The following TDRD3 variants were observed in gnomAD, a reference collection of about 807,000 sequenced individuals.
The protein encoded by TDRD3 is tudor domain containing 3.
Under a neutral mutation model 86.7 loss-of-function variants are expected in TDRD3, and 45 were observed. The ratio of observed to expected loss-of-function variants is 0.52; its 90% CI spans 0.41 to 0.67. The LOEUF is 0.67. TDRD3 is among the 30% of genes least tolerant of loss of function. The pLI, the probability that TDRD3 is intolerant of heterozygous loss-of-function variation, is 0.00. For synonymous variants in TDRD3, 298 were observed against 301.7 expected, an observed-to-expected ratio of 0.99 and a Z score of 0.13; for missense variants, 814 against 889.0, an observed-to-expected ratio of 0.92 and a Z score of 1.07.
chr13:60,534,652 G>A (rs1288632009), intron 11 of TDRD3, among the ~76,000 whole-genome samples: 5 of 151,802 alleles, frequency 3.3e-5, no homozygotes, highest in Admixed American at 1.3e-4. Flanking sequence ...TTGGCTGGGC[G>A]CAGTGGCTCA....
chr13:60,435,859 T>C (rs867821690), intron 1 of TDRD3, among the ~76,000 whole-genome samples: 1 of 151,952 alleles, frequency 6.6e-6, no homozygotes, highest in South Asian at 2.1e-4. Context: ...TTTTCCGTAG[T>C]GGTTGTAGCA....
At chr13:60,509,622 A>G in intron 8 of TDRD3, 141 bp from the exon 9 acceptor site, 1 of 1,055,182 alleles carries the variant, frequency 9.5e-7, no homozygotes, top group Non-Finnish European at 1.4e-6. Context: ...GTAAAAAATC[A>G]GCAAGAGAAT....
At chr13:60,475,885 A>C (rs1594985144) in intron 5 of TDRD3, among the ~76,000 whole-genome samples, 1 of 151,824 alleles carries the variant, frequency 6.6e-6, no homozygotes, top group Admixed American at 6.6e-5. Flanking sequence ...TTCTTTAATG[A>C]GGTTGTTTTT....
chr13:60,488,464 A>G (rs998512039), intron 7 of TDRD3, among the ~76,000 whole-genome samples: 14 of 152,200 alleles, frequency 9.2e-5, no homozygotes, highest in African/African-American at 2.9e-4. Flanking sequence ...GCTGATTTCA[A>G]TGGTAAATGA....
chr13:60,509,657 A>G (rs559410453), intron 8 of TDRD3, 106 bp from the exon 9 acceptor site: 5 of 1,342,986 alleles, frequency 3.7e-6, no homozygotes, highest in Non-Finnish European at 3.1e-6. Flanking sequence ...ACATTTTTAC[A>G]TAAGTATGGG....
At position 60,509,775 on chromosome 13, in the gene TDRD3, G is replaced by C. The variant is rs1412226889; in HGVS notation, c.871G>C (p.Ala291Pro). The change falls in exon 9 of 14, where the codon GCT (alanine) becomes CCT (proline). Residue 291 changes from alanine (A) to proline (P), a missense_variant. Coordinates refer to ENST00000377881, the MANE Select transcript of TDRD3 (RefSeq NM_001146070.2). ...GVYRELVDEK[A>P]LKHITEMGFS... ...TTATTCCTTCCAGGTTGATGAGAAA[G>C]CTCTGAAGCACATAACGGAAATGGG... 6.2e-7 allele frequency: 1 copy of C among 1,613,736 alleles called. No individual in the cohort carries two copies.
intron 1 of TDRD3, among the ~76,000 whole-genome samples, chr13:60,430,829 T>TA (rs1667302159): frequency 6.6e-6 from 1 of 152,116 alleles, no homozygotes; most frequent in African/African-American, 2.4e-5. Flanking sequence ...ATATGAGTCA[T>TA]AAAATAGAAG....
chr13:60,402,811 C>T (rs1326999851), intron 1 of TDRD3, among the ~76,000 whole-genome samples: 2 of 151,696 alleles, frequency 1.3e-5, no homozygotes, highest in Non-Finnish European at 2.9e-5. Context: ...GCCTCAGCCT[C>T]CCAAGTAGGT....
At chr13:60,481,349 G>GTTTTTTTTTTTTTTTTTTTTTTT (rs796837758) in intron 5 of TDRD3, among the ~76,000 whole-genome samples, 1 of 137,378 alleles carries the variant, frequency 7.3e-6, no homozygotes, top group Non-Finnish European at 1.6e-5. Flanking sequence ...CCCTCTTTGT[G>GTTTTTTTTTTTTTTTTTTTTTTT]TTTTTTTTTT....
intron 5 of TDRD3, among the ~76,000 whole-genome samples, chr13:60,479,048 C>G (rs1177278397): frequency 6.6e-6 from 1 of 152,004 alleles, no homozygotes; most frequent in African/African-American, 2.4e-5. Flanking sequence ...CTCAAGTGAT[C>G]TGACTGCCTT....
intron 8 of TDRD3, among the ~76,000 whole-genome samples, chr13:60,496,775 A>G (rs1308648965): frequency 6.6e-6 from 1 of 152,120 alleles, no homozygotes; most frequent in South Asian, 2.1e-4. Context: ...CTGAGCCTCA[A>G]ATCTGCTAAG....
intron 1 of TDRD3, among the ~76,000 whole-genome samples, chr13:60,413,218 A>C (rs1954407349): frequency 6.6e-6 from 1 of 152,188 alleles, no homozygotes; most frequent in Non-Finnish European, 1.5e-5. Context: ...GAATTAGTTA[A>C]TTATAATTAA....
At chr13:60,426,194 A>G (rs1348400220) in intron 1 of TDRD3, among the ~76,000 whole-genome samples, 2 of 152,190 alleles carry the variant, frequency 1.3e-5, no homozygotes, top group Admixed American at 6.5e-5. Flanking sequence ...GTATTATGTG[A>G]TCTTACTTAT....
At chr13:60,573,423 A>T (rs895837588) in intron 13 of TDRD3, among the ~76,000 whole-genome samples, 193 bp from the exon 14 acceptor site, 3 of 152,322 alleles carry the variant, frequency 2.0e-5, no homozygotes, top group Middle Eastern at 3.4e-3. Context: ...TTTCAAAAAA[A>T]TTTTGCTTTT....
chr13:60,563,260 C>A (rs1958378691), intron 12 of TDRD3, among the ~76,000 whole-genome samples: 1 of 149,618 alleles, frequency 6.7e-6, no homozygotes, highest in Non-Finnish European at 1.5e-5. Flanking sequence ...CAAGGCGATT[C>A]ATTAAGTAAA....
At chr13:60,424,319 A>G (rs911101164) in intron 1 of TDRD3, among the ~76,000 whole-genome samples, 2 of 148,290 alleles carry the variant, frequency 1.3e-5, no homozygotes, top group African/African-American at 5.1e-5. Context: ...CCGCCCCCAG[A>G]CAGTGGTTTT....
At chr13:60,462,083 T>C (rs961192766) in intron 4 of TDRD3, among the ~76,000 whole-genome samples, 1 of 152,250 alleles carries the variant, frequency 6.6e-6, no homozygotes, top group African/African-American at 2.4e-5. Flanking sequence ...AATGTTGATT[T>C]CTATATACAA....
chr13:60,494,481 A>G lies in TDRD3; in HGVS notation c.764A>G (p.Asn255Ser), dbSNP rs1277860318. 6 of 1,613,856 alleles carry G rather than the reference A, an allele frequency of 3.7e-6. No homozygotes were observed. The highest frequency in any genetic ancestry group is 2.2e-5 in the East Asian group (1 of 44,796). Residue 255 changes from asparagine to serine, a missense_variant, in exon 8 of 14, where the codon AAT becomes AGT. Coordinates refer to ENST00000377881, the MANE Select transcript of TDRD3 (RefSeq NM_001146070.2). ...GGGGGARSNL[N>S]MNAAGNRNRE... ...GGTGGTGGTGCTAGAAGTAATCTCA[A>G]TATGAATGCTGCTGGTAACCGAAAT...
At chr13:60,513,468 T>C (rs1957102321) in intron 10 of TDRD3, among the ~76,000 whole-genome samples, 1 of 152,246 alleles carries the variant, frequency 6.6e-6, no homozygotes, top group Non-Finnish European at 1.5e-5. Flanking sequence ...TTCTTTTCTA[T>C]CACATTGTCA....
Sources: allele counts gnomAD v4.1 joint callset (sites outside exome capture counted in the v4.1 genomes callset), GRCh38; gene constraint gnomAD v4.1.1; transcripts MANE v1.5; gene names NCBI Gene and HGNC (gene_info 2026-07-23, HGNC 2026-07-21).